Variants in NBEA observed in about 807,000 individuals in gnomAD.
The protein encoded by NBEA is lysosomal-trafficking regulator 2.
A neutral mutation model predicts 343.4 loss-of-function variants in NBEA; 44 were observed. The observed-to-expected ratio is 0.13, with a 90% CI of 0.10 to 0.16. The LOEUF (loss-of-function observed/expected upper bound fraction) is 0.16. Ranked by LOEUF, NBEA falls within the 10% of genes least tolerant of loss-of-function variation. NBEA has a pLI of 1.00. For missense variants in NBEA, 2,555 were observed against 3,631.3 expected, an observed-to-expected ratio of 0.70 and a Z score of 7.62; for synonymous variants, 1,175 against 1,238.7, an observed-to-expected ratio of 0.95 and a Z score of 1.08.
intron 36 of NBEA, among the ~76,000 whole-genome samples, chr13:35,330,183 G>A (rs1427952313): frequency 6.6e-6 from 1 of 152,010 alleles, no homozygotes; most frequent in South Asian, 2.1e-4. Context: ...TTTGTGTATA[G>A]TGGGGCTAAT....
At chr13:35,629,321 A>G (rs1332790253) in intron 49 of NBEA, among the ~76,000 whole-genome samples, 1 of 152,184 alleles carries the variant, frequency 6.6e-6, no homozygotes, top group African/African-American at 2.4e-5. Flanking sequence ...TTTTTATTTT[A>G]AAGGTGGAAA....
At chr13:35,193,903 A>G (rs2068462) in intron 30 of NBEA, among the ~76,000 whole-genome samples, 68,816 of 151,732 alleles carry the variant, frequency 0.45, 18,745 homozygotes, top group Non-Finnish European at 0.59. Context: ...TGATAAATGC[A>G]TATTTTAAGT....
intron 35 of NBEA, among the ~76,000 whole-genome samples, chr13:35,308,562 ATATGTATATATATG>A (rs1219964886): frequency 4.0e-4 from 43 of 107,506 alleles, no homozygotes; most frequent in African/African-American, 1.4e-3. Flanking sequence ...ATATATGTAT[ATATGTATATATATG>A]TATATATGTA....
At chr13:35,470,759 A>T (rs1353540479) in intron 40 of NBEA, among the ~76,000 whole-genome samples, 1 of 152,228 alleles carries the variant, frequency 6.6e-6, no homozygotes, top group Non-Finnish European at 1.5e-5. Context: ...CGCGGGAGGC[A>T]GGAGGCGCCG....
intron 41 of NBEA, among the ~76,000 whole-genome samples, chr13:35,485,341 A>G (rs1006738092): frequency 4.6e-5 from 7 of 152,052 alleles, no homozygotes; most frequent in Admixed American, 2.6e-4. Flanking sequence ...CCAGCCCTGA[A>G]AAAACCACTC....
At chr13:34,991,180 C>T (rs1024298088) in intron 1 of NBEA, among the ~76,000 whole-genome samples, 11 of 152,200 alleles carry the variant, frequency 7.2e-5, no homozygotes, top group Admixed American at 3.9e-4. Flanking sequence ...CAACCTCTGC[C>T]CATTACCCAG....
At chr13:35,336,949 G>A (rs1364039602) in intron 36 of NBEA, among the ~76,000 whole-genome samples, 1 of 151,856 alleles carries the variant, frequency 6.6e-6, no homozygotes, top group African/African-American at 2.4e-5. Flanking sequence ...CAAAATTATC[G>A]ATACACCAAA....
chr13:35,134,771 G>GT (rs1357684416), intron 17 of NBEA, among the ~76,000 whole-genome samples: 2 of 152,012 alleles, frequency 1.3e-5, no homozygotes, highest in Non-Finnish European at 2.9e-5. Context: ...AAAACGAACT[G>GT]TTGAAAGGAT....
chr13:35,083,543 C>G (rs547112491), intron 10 of NBEA, among the ~76,000 whole-genome samples: 1 of 152,150 alleles, frequency 6.6e-6, no homozygotes, highest in South Asian at 2.1e-4. Context: ...AAAATCCTTA[C>G]AGACAAGCAA....
chr13:34,981,829 T>C (rs73492309), intron 1 of NBEA, among the ~76,000 whole-genome samples: 2,336 of 152,048 alleles, frequency 0.015, 63 homozygotes, highest in African/African-American at 0.053. Context: ...AGGGATTTAT[T>C]TGTGTCATCT....
At chr13:35,441,590 C>A (rs187221189) in intron 39 of NBEA, among the ~76,000 whole-genome samples, 1 of 152,134 alleles carries the variant, frequency 6.6e-6, no homozygotes, top group East Asian at 1.9e-4. Flanking sequence ...ATGACCCAGG[C>A]CACCTTCACA....
At chr13:35,082,524 A>G (rs553776401) in intron 10 of NBEA, among the ~76,000 whole-genome samples, 1 of 152,338 alleles carries the variant, frequency 6.6e-6, no homozygotes, top group Non-Finnish European at 1.5e-5. Context: ...ACTAGTTTAC[A>G]GTCCCACCAA....
chr13:35,066,972 T>A (rs1054756514), intron 8 of NBEA, among the ~76,000 whole-genome samples: 23 of 152,082 alleles, frequency 1.5e-4, no homozygotes, highest in African/African-American at 5.3e-4. Flanking sequence ...GCTTACCATA[T>A]ACATCTTAAC....
chr13:35,096,263 C>T (rs1358302412), intron 10 of NBEA, among the ~76,000 whole-genome samples: 2 of 147,798 alleles, frequency 1.4e-5, no homozygotes, highest in Non-Finnish European at 3.0e-5. Context: ...TAAATTAAAA[C>T]GACTTTTGTT....
chr13:35,440,465 A>G (rs1433615459), intron 39 of NBEA, among the ~76,000 whole-genome samples: 1 of 152,198 alleles, frequency 6.6e-6, no homozygotes, highest in Non-Finnish European at 1.5e-5. Context: ...GGAGCTCAGT[A>G]AAGAGGGTCG....
intron 1 of NBEA, among the ~76,000 whole-genome samples, chr13:34,994,434 A>G (rs146793733): frequency 6.6e-6 from 1 of 152,230 alleles, no homozygotes; most frequent in East Asian, 1.9e-4. Context: ...TAAGAGTGAG[A>G]CAGACATAGG....
intron 41 of NBEA, among the ~76,000 whole-genome samples, chr13:35,520,862 A>T (rs1218383178): frequency 6.6e-6 from 1 of 152,132 alleles, no homozygotes; most frequent in Non-Finnish European, 1.5e-5. Flanking sequence ...TCTTCTTGAA[A>T]CTTATGTATG....
intron 30 of NBEA, among the ~76,000 whole-genome samples, chr13:35,194,128 C>T (rs528202832): frequency 2.6e-5 from 4 of 151,726 alleles, no homozygotes; most frequent in Non-Finnish European, 4.4e-5. Flanking sequence ...AATGGTATGC[C>T]ATTAGTTTAA....
intron 1 of NBEA, among the ~76,000 whole-genome samples, chr13:34,970,088 T>C (rs912734473): frequency 3.2e-4 from 49 of 152,222 alleles, no homozygotes; most frequent in Non-Finnish European, 5.9e-4. Flanking sequence ...TCATAGCCAT[T>C]CTGCCTGGTG....
Sources: allele counts gnomAD v4.1 joint callset (sites outside exome capture counted in the v4.1 genomes callset), GRCh38; gene constraint gnomAD v4.1.1; transcripts MANE v1.5; gene names NCBI Gene and HGNC (gene_info 2026-07-23, HGNC 2026-07-21).